The following ARHGAP15 variants were observed in gnomAD, a reference collection of about 807,000 sequenced individuals.
ARHGAP15 encodes rho GTPase-activating protein 15.
In ARHGAP15, 51 loss-of-function variants were observed where a neutral mutation model predicts 63.7. The observed-to-expected ratio is 0.80, with a 90% CI of 0.64 to 1.01. ARHGAP15 has a LOEUF of 1.01. Ranked by LOEUF, ARHGAP15 falls within the 50% of genes least tolerant of loss-of-function variation. The pLI is 0.00. For missense variants in ARHGAP15, 560 were observed against 564.6 expected, an observed-to-expected ratio of 0.99 and a Z score of 0.08; for synonymous variants, 191 against 193.8, an observed-to-expected ratio of 0.99 and a Z score of 0.12.
intron 12 of ARHGAP15, among the ~76,000 whole-genome samples, chr2:143,628,946 G>T (rs944473296): frequency 7.2e-5 from 11 of 152,046 alleles, no homozygotes; most frequent in African/African-American, 2.7e-4. Flanking sequence ...TTTGGCCCCA[G>T]ATTGGGAGAT....
In ARHGAP15 at chr2:143,385,070, A is replaced by G. The variant is rs1393282248; in HGVS notation, c.475-50531A>G. ...AGCTTCTCATAAATTCACCATGTAA[A>G]ATTGATGACTGCTTCAGTAATCTAC... is the stretch of plus-strand genomic sequence containing the variant. On this transcript the variant is annotated intron_variant, in intron 6 of 13. Coordinates refer to ENST00000295095, the MANE Select transcript of ARHGAP15 (RefSeq NM_018460.4). Among the ~76,000 whole-genome samples, 3 of 152,170 alleles carry G rather than the reference A, an allele frequency of 2.0e-5. No individual in the cohort carries two copies. The East Asian group carries it at 5.8e-4, about 29-fold the overall frequency.
At chr2:143,382,069 CTTCCTTCCTTCCT>C (rs1433620907) in intron 6 of ARHGAP15, among the ~76,000 whole-genome samples, 47 of 145,642 alleles carry the variant, frequency 3.2e-4, no homozygotes, top group Admixed American at 1.3e-3. Context: ...TCTTTCCTTC[CTTCCTTCCTTCCT>C]TTCCTTCCTT....
chr2:143,156,937 T>C (rs1211744367), intron 2 of ARHGAP15, among the ~76,000 whole-genome samples: 1 of 151,974 alleles, frequency 6.6e-6, no homozygotes, highest in Non-Finnish European at 1.5e-5. Flanking sequence ...ATCTCTATAA[T>C]GTATTATCAG....
At chr2:143,289,818 C>T (rs777501011) in intron 6 of ARHGAP15, among the ~76,000 whole-genome samples, 1 of 151,696 alleles carries the variant, frequency 6.6e-6, no homozygotes, top group Non-Finnish European at 1.5e-5. Context: ...AGAAAAATAA[C>T]CAAAAAAAGA....
chr2:143,334,028 T>C (rs1684663311), intron 6 of ARHGAP15, among the ~76,000 whole-genome samples: 2 of 152,202 alleles, frequency 1.3e-5, no homozygotes, highest in Admixed American at 6.6e-5. Context: ...GAAAAATGTG[T>C]GACAATTTGT....
At chr2:143,266,338 G>C (rs1482019608) in intron 6 of ARHGAP15, among the ~76,000 whole-genome samples, 2 of 152,044 alleles carry the variant, frequency 1.3e-5, no homozygotes, top group African/African-American at 4.8e-5. Context: ...GAAAATTTCA[G>C]TGATAGGAGA....
At chr2:143,424,540 C>T (rs1689066320) in intron 6 of ARHGAP15, among the ~76,000 whole-genome samples, 1 of 151,944 alleles carries the variant, frequency 6.6e-6, no homozygotes, top group African/African-American at 2.4e-5. Context: ...TTCTTCATGT[C>T]CTTTAGAGAT....
intron 6 of ARHGAP15, among the ~76,000 whole-genome samples, chr2:143,361,001 G>T (rs1454052409): frequency 6.7e-6 from 1 of 148,586 alleles, no homozygotes; most frequent in Non-Finnish European, 1.5e-5. Flanking sequence ...ACAAAATTTT[G>T]TAACACCGTC....
intron 8 of ARHGAP15, among the ~76,000 whole-genome samples, chr2:143,477,717 A>G (rs957381466): frequency 6.6e-6 from 1 of 152,196 alleles, no homozygotes; most frequent in Non-Finnish European, 1.5e-5. Context: ...ACTTGAAAAA[A>G]AGGAAGAAAG....
chr2:143,661,539 A>G (rs952775216), intron 12 of ARHGAP15, among the ~76,000 whole-genome samples: 6 of 151,836 alleles, frequency 4.0e-5, no homozygotes, highest in African/African-American at 1.5e-4. Flanking sequence ...ATTTTAAATG[A>G]TGACTCCTTG....
chr2:143,627,421 A>G (rs564002574), intron 12 of ARHGAP15, among the ~76,000 whole-genome samples: 25 of 152,320 alleles, frequency 1.6e-4, no homozygotes, highest in East Asian at 1.5e-3. Flanking sequence ...TGTAATTCAT[A>G]TTTAAATATT....
At chr2:143,574,504 T>C (rs984220357) in intron 11 of ARHGAP15, among the ~76,000 whole-genome samples, 1 of 151,768 alleles carries the variant, frequency 6.6e-6, no homozygotes, top group Non-Finnish European at 1.5e-5. Context: ...TAAAAAATAA[T>C]AATAAAAAAG....
chr2:143,339,549 T>A (rs553362132), intron 6 of ARHGAP15, among the ~76,000 whole-genome samples: 1 of 152,090 alleles, frequency 6.6e-6, no homozygotes, highest in Admixed American at 6.6e-5. Context: ...CCAGACAATC[T>A]TGGGTGCCTG....
At chr2:143,345,033 T>A (rs376990032) in intron 6 of ARHGAP15, among the ~76,000 whole-genome samples, 4 of 152,214 alleles carry the variant, frequency 2.6e-5, no homozygotes, top group African/African-American at 9.6e-5. Context: ...AACAATAACA[T>A]CAACAAATCA....
At chr2:143,292,292 C>T (rs953917099) in intron 6 of ARHGAP15, among the ~76,000 whole-genome samples, 1 of 151,738 alleles carries the variant, frequency 6.6e-6, no homozygotes, top group African/African-American at 2.4e-5. Context: ...AGTGTTGCTG[C>T]TTTTTTTTAG....
chr2:143,667,582 T>TAAAAAAAAAAAAAAAAAAAAAA (rs71338146), intron 12 of ARHGAP15, among the ~76,000 whole-genome samples: 2 of 138,948 alleles, frequency 1.4e-5, no homozygotes, highest in African/African-American at 5.7e-5. Flanking sequence ...TAAAAAAAAT[T>TAAAAAAAAAAAAAAAAAAAAAA]AAAAAAAAAA....
chr2:143,195,334 G>A (rs1691850137), intron 2 of ARHGAP15, among the ~76,000 whole-genome samples: 1 of 152,104 alleles, frequency 6.6e-6, no homozygotes, highest in African/African-American at 2.4e-5. Flanking sequence ...ACACTAATAA[G>A]GAACAAAACA....
At chr2:143,242,539 T>C (rs1475068200) in intron 5 of ARHGAP15, among the ~76,000 whole-genome samples, 2 of 152,186 alleles carry the variant, frequency 1.3e-5, no homozygotes, top group East Asian at 3.8e-4. Flanking sequence ...TAGAATACTT[T>C]CTCCTCAAAA....
intron 11 of ARHGAP15, among the ~76,000 whole-genome samples, chr2:143,592,918 C>T (rs781046311): frequency 6.6e-6 from 1 of 152,148 alleles, no homozygotes; most frequent in African/African-American, 2.4e-5. Flanking sequence ...TTTGACTTTT[C>T]TCTCTATTTA....
Sources: allele counts gnomAD v4.1 joint callset (sites outside exome capture counted in the v4.1 genomes callset), GRCh38; gene constraint gnomAD v4.1.1; transcripts MANE v1.5; gene names NCBI Gene and HGNC (gene_info 2026-07-23, HGNC 2026-07-21).